CLYBL: variants seen among roughly 807,000 people sequenced by gnomAD.
CLYBL encodes citramalyl-CoA lyase.
A neutral mutation model predicts 38.9 loss-of-function variants in CLYBL; 31 were observed. The ratio of observed to expected loss-of-function variants is 0.80; its 90% CI spans 0.60 to 1.08. The LOEUF (loss-of-function observed/expected upper bound fraction) is 1.08. Among genes scored for constraint, CLYBL ranks in the 50% least tolerant of loss-of-function variants. The pLI, the probability that CLYBL is intolerant of heterozygous loss-of-function variation, is 0.00. For missense variants in CLYBL, 434 were observed against 411.6 expected (o/e 1.05, Z -0.47); for synonymous variants, 171 against 158.6 (o/e 1.08, Z -0.59).
At chr13:99,800,204 G>A (rs1233331577) in intron 2 of CLYBL, among the ~76,000 whole-genome samples, 2 of 152,180 alleles carry the variant, frequency 1.3e-5, no homozygotes, top group Non-Finnish European at 2.9e-5. Context: ...GGGGCTCAGG[G>A]CCAACCAGTC....
chr13:99,709,979 A>T (rs1467651919), intron 1 of CLYBL, among the ~76,000 whole-genome samples: 1 of 131,860 alleles, frequency 7.6e-6, no homozygotes, highest in African/African-American at 2.9e-5. Flanking sequence ...TCTGGAGTGC[A>T]GTGGCGCTAT....
chr13:99,673,656 A>G (rs982266741), intron 1 of CLYBL, among the ~76,000 whole-genome samples: 3 of 152,182 alleles, frequency 2.0e-5, no homozygotes, highest in African/African-American at 7.2e-5. Context: ...GTCCACAGCA[A>G]TGGAGGTGAG....
intron 1 of CLYBL, among the ~76,000 whole-genome samples, chr13:99,650,748 C>A (rs59120090): frequency 6.6e-6 from 1 of 152,024 alleles, no homozygotes; most frequent in South Asian, 2.1e-4. Flanking sequence ...CATTGTGGCT[C>A]TTTTTTTCTG....
chr13:99,905,272 A>G (rs1249656963), exon 9 of CLYBL, among the ~76,000 whole-genome samples: 2 of 152,138 alleles, frequency 1.3e-5, no homozygotes, highest in Non-Finnish European at 2.9e-5. Flanking sequence ...TAATAAAGGG[A>G]ATGCTGAGCT....
intron 1 of CLYBL, among the ~76,000 whole-genome samples, chr13:99,670,046 A>T (rs950355603): frequency 6.8e-6 from 1 of 146,724 alleles, no homozygotes; most frequent in Non-Finnish European, 1.5e-5. Flanking sequence ...AAAAAAAATG[A>T]AAATTAGCCA....
intron 2 of CLYBL, among the ~76,000 whole-genome samples, chr13:99,804,558 A>G (rs1329837657): frequency 6.6e-6 from 1 of 152,082 alleles, no homozygotes; most frequent in African/African-American, 2.4e-5. Flanking sequence ...TGCAGTTTTT[A>G]GGGAAGCGAA....
chr13:99,744,417 C>T (rs1325041775), intron 1 of CLYBL, among the ~76,000 whole-genome samples: 1 of 152,194 alleles, frequency 6.6e-6, no homozygotes, highest in African/African-American at 2.4e-5. Context: ...TTTGGAACTT[C>T]TCTTACCATA....
At chr13:99,821,864 G>A (rs1341860080) in intron 2 of CLYBL, among the ~76,000 whole-genome samples, 3 of 152,204 alleles carry the variant, frequency 2.0e-5, no homozygotes, top group Non-Finnish European at 4.4e-5. Context: ...GTCTGTGGTA[G>A]ACCCCAGTGA....
chr13:99,866,070 C>T (rs1441706266), intron 5 of CLYBL, among the ~76,000 whole-genome samples, 170 bp from the exon 6 acceptor site: 1 of 152,180 alleles, frequency 6.6e-6, no homozygotes, highest in Non-Finnish European at 1.5e-5. Context: ...CGAGGTTTAA[C>T]TTGGCCTCCA....
chr13:99,796,973 C>T (rs1465250071), intron 2 of CLYBL, among the ~76,000 whole-genome samples: 1 of 152,074 alleles, frequency 6.6e-6, no homozygotes, highest in African/African-American at 2.4e-5. Context: ...TACCAGGGTG[C>T]CCAAGACATA....
chr13:99,719,255 C>T (rs2048361587), intron 1 of CLYBL, among the ~76,000 whole-genome samples: 1 of 150,898 alleles, frequency 6.6e-6, no homozygotes, highest in Non-Finnish European at 1.5e-5. Context: ...CATGATCTCC[C>T]TGCCTCAGCC....
At chr13:99,893,628 G>A (rs534642431), downstream of CLYBL, 2 of 152,602 alleles carry the variant, frequency 1.3e-5, no homozygotes, top group South Asian at 4.1e-4. Context: ...CCCTTGGCTT[G>A]AGGGGATGAA....
chr13:99,903,710 C>T (rs1229108321), intron 8 of CLYBL, among the ~76,000 whole-genome samples: 1 of 152,052 alleles, frequency 6.6e-6, no homozygotes, highest in Non-Finnish European at 1.5e-5. Flanking sequence ...GGTTCGCGTC[C>T]CGTATGAAGC....
chr13:99,670,363 G>T (rs1246043455), intron 1 of CLYBL, among the ~76,000 whole-genome samples: 11 of 152,176 alleles, frequency 7.2e-5, no homozygotes, highest in African/African-American at 2.7e-4. Context: ...GCGAGACCCT[G>T]TCTCTAAAAA....
intron 2 of CLYBL, among the ~76,000 whole-genome samples, chr13:99,819,458 AT>A (rs1566340248): frequency 0.029 from 1,206 of 41,156 alleles, 66 homozygotes; most frequent in African/African-American, 0.059. Context: ...ATATATATAT[AT>A]ATATATATAA....
intron 1 of CLYBL, among the ~76,000 whole-genome samples, chr13:99,760,680 G>A (rs765135258): frequency 6.6e-5 from 10 of 152,208 alleles, no homozygotes; most frequent in Non-Finnish European, 1.5e-4. Context: ...TCTTACTGAA[G>A]ATACCTTGTA....
chr13:99,656,269 G>T (rs970078500), intron 1 of CLYBL, among the ~76,000 whole-genome samples: 1 of 152,132 alleles, frequency 6.6e-6, no homozygotes, highest in Non-Finnish European at 1.5e-5. Flanking sequence ...TTGTCAGGGA[G>T]TAGACCAGGG....
chr13:99,663,250 C>T (rs1349220843), intron 1 of CLYBL, among the ~76,000 whole-genome samples: 1 of 152,194 alleles, frequency 6.6e-6, no homozygotes, highest in Admixed American at 6.5e-5. Context: ...CTGGAGCAAA[C>T]AGGGCGCCGT....
chr13:99,658,508 C>T (rs61974382), intron 1 of CLYBL, among the ~76,000 whole-genome samples: 3,676 of 152,270 alleles, frequency 0.024, 72 homozygotes, highest in Middle Eastern at 0.099. Context: ...CTGTGTCCCT[C>T]TCCCCCACGC....
Sources: allele counts gnomAD v4.1 joint callset (sites outside exome capture counted in the v4.1 genomes callset), GRCh38; gene constraint gnomAD v4.1.1; transcripts MANE v1.5; gene names NCBI Gene and HGNC (gene_info 2026-07-23, HGNC 2026-07-21).